MGAT4A: variants seen among roughly 807,000 people sequenced by gnomAD.
The protein encoded by MGAT4A is alpha-1,3-mannosyl-glycoprotein 4-beta-N-acetylglucosaminyltransferase A.
A neutral mutation model predicts 74.1 loss-of-function variants in MGAT4A; 33 were observed. The observed-to-expected ratio is 0.45, with a 90% CI of 0.34 to 0.60. MGAT4A has a LOEUF of 0.60. Among genes scored for constraint, MGAT4A ranks in the 20% least tolerant of loss-of-function variants. The pLI, the probability that MGAT4A is intolerant of heterozygous loss-of-function variation, is 0.02. For missense variants in MGAT4A, 479 were observed against 628.3 expected (o/e 0.76, Z 2.54); for synonymous variants, 198 against 210.4 (o/e 0.94, Z 0.51).
chr2:98,715,317 CAAAAAA>C (rs201860893), intron 2 of MGAT4A, among the ~76,000 whole-genome samples: 2 of 63,254 alleles, frequency 3.2e-5, no homozygotes, highest in Non-Finnish European at 6.6e-5. Flanking sequence ...GACTTCATCT[CAAAAAA>C]AAAAAAAAAA....
At chr2:98,653,602 AT>A (rs1701614533) in intron 8 of MGAT4A, among the ~76,000 whole-genome samples, 1 of 152,144 alleles carries the variant, frequency 6.6e-6, no homozygotes, top group South Asian at 2.1e-4. Context: ...TCTAAAAACA[AT>A]TTTCCATGGG....
intron 2 of MGAT4A, among the ~76,000 whole-genome samples, chr2:98,696,845 T>TA (rs1253936034): frequency 6.6e-6 from 1 of 152,232 alleles, no homozygotes; most frequent in East Asian, 1.9e-4. Flanking sequence ...TGCATACCCA[T>TA]ACATTAAGAA....
chr2:98,623,959 C>T lies in MGAT4A; in HGVS notation c.*1607G>A. On this transcript the variant is annotated 3_prime_UTR_variant, in exon 16 of 16. Coordinates refer to ENST00000393487, the MANE Select transcript of MGAT4A (RefSeq NM_012214.3). ...CCGTCTGCAACCAACCTGCAACCCA[C>T]TTGTGGCACCCCAGTGTGTCCAAGC... is the stretch of plus-strand genomic sequence containing the variant. 2.0e-6 allele frequency: 2 copies of T among 985,458 alleles called. No individual in the cohort carries two copies. The highest frequency in any genetic ancestry group is 1.2e-6 in the Non-Finnish European group (1 of 829,974). The allele number at this position is 985,458 out of a possible 1,614,324, so 61.0% of individuals were successfully genotyped here.
At chr2:98,629,987 A>C (rs546829972) in intron 14 of MGAT4A, among the ~76,000 whole-genome samples, 1 of 152,350 alleles carries the variant, frequency 6.6e-6, no homozygotes, top group East Asian at 1.9e-4. Flanking sequence ...CGGAGGATGC[A>C]GTGAGTCAAG....
intron 14 of MGAT4A, among the ~76,000 whole-genome samples, chr2:98,631,541 G>A (rs1224201312): frequency 1.3e-5 from 2 of 152,246 alleles, no homozygotes; most frequent in African/African-American, 4.8e-5. Flanking sequence ...GCTGGACGTG[G>A]AGGGGAAGGA....
At chr2:98,650,676 C>T (rs796515476) in intron 8 of MGAT4A, among the ~76,000 whole-genome samples, 29 of 152,254 alleles carry the variant, frequency 1.9e-4, no homozygotes, top group African/African-American at 6.5e-4. Flanking sequence ...GAAGGCCAGG[C>T]GCGGTGGCTC....
At chr2:98,665,627 T>A (rs910461039) in intron 4 of MGAT4A, among the ~76,000 whole-genome samples, 1 of 152,230 alleles carries the variant, frequency 6.6e-6, no homozygotes, top group African/African-American at 2.4e-5. Context: ...GTAAATAACA[T>A]AGGTAAGGTC....
chr2:98,675,247 T>C lies in MGAT4A; in HGVS notation c.263-72A>G, dbSNP rs6743826. The stretch of plus-strand genomic sequence containing the variant: ...GTTGCTGATTTTATAAAACCAGCAG[T>C]AAAAATTAATAAGAACTAGAACTAA... On this transcript the variant is annotated intron_variant, in intron 3 of 15. Coordinates refer to ENST00000393487, the MANE Select transcript of MGAT4A (RefSeq NM_012214.3). 3.8e-3 allele frequency: 4,112 copies of C among 1,092,696 alleles called. 130 individuals are homozygous for C. The African/African-American group carries it at 0.058, about 15-fold the overall frequency. 67.7% of individuals were successfully genotyped at this position (1,092,696 alleles called of 1,614,324 possible). A position where few individuals can be genotyped will look rare whatever the true frequency, so the allele number is the denominator to read the frequency against.
At chr2:98,631,112 A>T (rs1701225071) in intron 14 of MGAT4A, among the ~76,000 whole-genome samples, 1 of 152,204 alleles carries the variant, frequency 6.6e-6, no homozygotes, top group South Asian at 2.1e-4. Flanking sequence ...TCGCAGCTTT[A>T]ACCCACTGAA....
At chr2:98,667,758 G>A (rs751989519) in intron 4 of MGAT4A, among the ~76,000 whole-genome samples, 6 of 151,710 alleles carry the variant, frequency 4.0e-5, no homozygotes, top group African/African-American at 7.3e-5. Flanking sequence ...TCGATCTTGT[G>A]GCCCAGGCTG....
chr2:98,659,741 T>C (rs1701715482), intron 5 of MGAT4A, among the ~76,000 whole-genome samples: 1 of 152,208 alleles, frequency 6.6e-6, no homozygotes. Context: ...CTGCCATGAT[T>C]GTGAGGCCTT....
At chr2:98,662,933 T>C in intron 5 of MGAT4A, 113 bp downstream of exon 5, 2 of 778,422 alleles carry the variant, frequency 2.6e-6, no homozygotes. Context: ...ACCTAAGCTT[T>C]ACTCATCACA....
At chr2:98,679,182 G>A (rs982152981) in intron 2 of MGAT4A, among the ~76,000 whole-genome samples, 4 of 151,998 alleles carry the variant, frequency 2.6e-5, no homozygotes, top group African/African-American at 4.8e-5. Context: ...CGAGGTGGGC[G>A]GATCACGAGG....
At chr2:98,635,337 A>G in intron 13 of MGAT4A, 49 bp from the exon 14 acceptor site, 1 of 1,386,076 alleles carries the variant, frequency 7.2e-7, no homozygotes, top group South Asian at 1.2e-5. Flanking sequence ...TTTCTATTTA[A>G]CCTAAGTTAT....
intron 3 of MGAT4A, 36 bp downstream of exon 3, chr2:98,678,268 A>T: frequency 1.6e-6 from 1 of 637,408 alleles, no homozygotes; most frequent in Non-Finnish European, 2.1e-6. Flanking sequence ...ATATATATAT[A>T]AAATCTTTTT....
intron 2 of MGAT4A, among the ~76,000 whole-genome samples, chr2:98,705,581 G>A (rs1212060897): frequency 6.6e-6 from 1 of 152,120 alleles, no homozygotes; most frequent in African/African-American, 2.4e-5. Flanking sequence ...AATTAATATT[G>A]TCCATTTTAA....
chr2:98,634,880 G>A lies in MGAT4A; in HGVS notation c.1468+342C>T, dbSNP rs981697433. On this transcript the variant is annotated intron_variant, in intron 14 of 15. Coordinates refer to ENST00000393487, the MANE Select transcript of MGAT4A (RefSeq NM_012214.3). The stretch of plus-strand genomic sequence containing the variant: ...ACACAGATGTGACGCTGGGGAGGAG[G>A]GAAGGGGCCCGAAGCACAGATTCTG... 6.6e-5 allele frequency among the ~76,000 whole-genome samples: 10 copies of A among 151,848 alleles called. No individual in the cohort carries two copies. The East Asian group carries it at 1.9e-3, about 29-fold the overall frequency.
At chr2:98,637,142 G>A (rs1049993872) in intron 12 of MGAT4A, among the ~76,000 whole-genome samples, 11 of 151,652 alleles carry the variant, frequency 7.3e-5, no homozygotes, top group South Asian at 2.1e-4. Context: ...AGACCTCGTC[G>A]CTACAAAAAA....
chr2:98,707,802 G>A (rs1702460770), intron 2 of MGAT4A, among the ~76,000 whole-genome samples: 1 of 152,126 alleles, frequency 6.6e-6, no homozygotes, highest in East Asian at 1.9e-4. Flanking sequence ...TCTGAGAAGG[G>A]ACCAAATCCT....
Sources: allele counts gnomAD v4.1 joint callset (sites outside exome capture counted in the v4.1 genomes callset), GRCh38; gene constraint gnomAD v4.1.1; transcripts MANE v1.5; gene names NCBI Gene and HGNC (gene_info 2026-07-23, HGNC 2026-07-21).